The following DPY30 variants were observed in gnomAD, a reference collection of about 807,000 sequenced individuals.
DPY30 encodes dpy-30 histone methyltransferase complex regulatory subunit.
Under a neutral mutation model 16.2 loss-of-function variants are expected in DPY30, and 6 were observed. That is an observed-to-expected ratio of 0.37 (90% CI 0.20 to 0.73). The LOEUF is 0.73. Among genes scored for constraint, DPY30 ranks in the 30% least tolerant of loss-of-function variants. The pLI, the probability that DPY30 is intolerant of heterozygous loss-of-function variation, is 0.51. For missense variants in DPY30, 73 were observed against 113.1 expected (o/e 0.65, Z 1.61); for synonymous variants, 39 against 38.8 (o/e 1.00, Z -0.02).
At chr2:32,012,735 G>A (rs921948026) in intron 5 of DPY30, among the ~76,000 whole-genome samples, 4 of 152,066 alleles carry the variant, frequency 2.6e-5, no homozygotes, top group African/African-American at 9.7e-5. Flanking sequence ...ATCGCACCCA[G>A]GCCAAAGCTA....
chr2:32,016,852 A>G (rs1418059164), intron 5 of DPY30, among the ~76,000 whole-genome samples: 1 of 150,890 alleles, frequency 6.6e-6, no homozygotes, highest in Non-Finnish European at 1.5e-5. Context: ...AGTTATATAT[A>G]ATATATGACA....
At chr2:32,020,334 C>T (rs1675152117), downstream of DPY30, among the ~76,000 whole-genome samples, 1 of 151,992 alleles carries the variant, frequency 6.6e-6, no homozygotes, top group South Asian at 2.1e-4. Flanking sequence ...AGTGAGAACC[C>T]GTCTCTGCAA....
rs755691494 is a variant in DPY30, at chr2:32,029,617, T to A, written c.204A>T (p.Gly68=). The change falls in exon 4 of 5, where the codon GGA becomes GGT. Residue 68 remains glycine (G), a synonymous_variant. Transcript: ENST00000342166. ...DQTVVPILLQ[G]LAVLAKERPP... ...ACCTTTCCTTTGCAAGCACAGCAAGTCCCTGTAATAAGATAGGCACAACTG... is the reference window on the plus strand; with the variant it reads ...ACCTTTCCTTTGCAAGCACAGCAAGACCCTGTAATAAGATAGGCACAACTG... 1 of 1,613,262 alleles carries A rather than the reference T, an allele frequency of 6.2e-7. No individual in the cohort carries two copies. The highest frequency in any genetic ancestry group is 1.3e-5 in the African/African-American group (1 of 75,030).
chr2:32,036,887 T>C (rs533092701), intron 3 of DPY30, among the ~76,000 whole-genome samples: 5 of 151,528 alleles, frequency 3.3e-5, no homozygotes, highest in African/African-American at 7.3e-5. Context: ...GAAAAAAAAC[T>C]ACACCAAGAC....
downstream of DPY30, among the ~76,000 whole-genome samples, chr2:32,019,836 AT>A (rs1231893670): frequency 1.4e-3 from 168 of 121,658 alleles, 1 homozygote; most frequent in South Asian, 3.6e-3. Context: ...AAAAAAAAAA[AT>A]ATATATATAT....
In DPY30 at chr2:32,035,990, C is replaced by CT. The variant is rs1020391771; in HGVS notation, c.84+3288dup. Among the ~76,000 whole-genome samples the CT allele has an allele frequency of 3.9e-4, 57 of 147,312 alleles. No individual in the cohort carries two copies. In the East Asian group the frequency reaches 7.9e-3, roughly 20 times the overall value. On this transcript the variant is annotated intron_variant, in intron 3 of 4. Coordinates refer to ENST00000342166, the MANE Select transcript of DPY30 (RefSeq NM_001321209.2). ...AAGGATAAGTAAACTGATCTTTTTC[C>CT]TTTTTTTTTTCTGAGACAGGGTCTC...
Position 32,026,072 on chromosome 2 carries a change from T to C in DPY30, c.228-1816A>G, listed in dbSNP as rs543461102. Among the ~76,000 whole-genome samples the C allele has an allele frequency of 2.0e-4, 30 of 152,042 alleles. 1 individual carries two copies. The highest frequency in any genetic ancestry group is 6.5e-4 in the African/African-American group (27 of 41,486). On this transcript the variant is annotated intron_variant, in intron 4 of 4. Coordinates refer to ENST00000342166, the MANE Select transcript of DPY30 (RefSeq NM_001321209.2). ...CAGTAAGCCATGATTGCCCCCACTG[T>C]ATTCCAGCTGGGGCAACAGAGCAAG...
intron 3 of DPY30, among the ~76,000 whole-genome samples, chr2:32,032,794 G>A (rs894971758): frequency 1.8e-4 from 27 of 151,696 alleles, no homozygotes; most frequent in South Asian, 1.0e-3. Context: ...TCAGGAGTTC[G>A]AGACCAGCCT....
chr2:32,012,474 A>G lies in DPY30; in HGVS notation n.378-422T>C, dbSNP rs551309197. ...GAGACAGAGTCTTGCTCTGTCACCC[A>G]GGCTGGAGTGCAGTGGCTCGATCTG... is the stretch of plus-strand genomic sequence containing the variant. On this transcript the variant is annotated intron_variant and non_coding_transcript_variant, in intron 5 of 5. Coordinates refer to the DPY30 transcript ENST00000414013. 3.2e-3 allele frequency among the ~76,000 whole-genome samples: 367 copies of G among 113,948 alleles called. 6 individuals are homozygous for G. The South Asian group carries it at 0.046, about 14-fold the overall frequency. The allele number at this position is 113,948 out of a possible 152,430, so 74.8% of individuals were successfully genotyped here.
chr2:32,029,881 C>T, intron 3 of DPY30, 145 bp from the exon 4 acceptor site: 2 of 815,460 alleles, frequency 2.5e-6, no homozygotes, highest in Non-Finnish European at 3.8e-6. Flanking sequence ...ACTTCTCTGC[C>T]CAAAATAAAT....
chr2:32,024,511 A>G (rs1355588223), intron 4 of DPY30, among the ~76,000 whole-genome samples: 2 of 152,232 alleles, frequency 1.3e-5, no homozygotes, highest in Non-Finnish European at 1.5e-5. Flanking sequence ...TAAAAAATGT[A>G]TTGACAATGG....
At chr2:32,037,342 T>C (rs559159361) in intron 3 of DPY30, among the ~76,000 whole-genome samples, 4 of 152,270 alleles carry the variant, frequency 2.6e-5, no homozygotes, top group East Asian at 1.9e-4. Flanking sequence ...TCTCCCTGTC[T>C]CACTCAGGAT....
chr2:32,027,447 T>C (rs1465915526), intron 4 of DPY30, among the ~76,000 whole-genome samples: 2 of 150,574 alleles, frequency 1.3e-5, no homozygotes, highest in Non-Finnish European at 3.0e-5. Flanking sequence ...AGAGAACTGC[T>C]TGAACCCAGG....
chr2:32,034,105 T>C (rs1675649410), intron 3 of DPY30, among the ~76,000 whole-genome samples: 1 of 152,124 alleles, frequency 6.6e-6, no homozygotes, highest in Non-Finnish European at 1.5e-5. Context: ...GAAAGGCGCA[T>C]GGAGACAAGA....
intron 3 of DPY30, among the ~76,000 whole-genome samples, chr2:32,039,068 G>T (rs908913729): frequency 6.6e-6 from 1 of 152,038 alleles, no homozygotes; most frequent in African/African-American, 2.4e-5. Flanking sequence ...CGCAATAAAA[G>T]TTCAATCCTT....
rs1002226558 is a variant in DPY30, at chr2:32,031,440, T to G, written c.85-1704A>C. Among the ~76,000 whole-genome samples the G allele has an allele frequency of 1.5e-4, 22 of 147,860 alleles. 1 individual carries two copies. The highest frequency in any genetic ancestry group is 2.2e-4 in the South Asian group (1 of 4,644). ...CAAAAAAAAAAAGAAAAATAAAAAA[T>G]AAAAAAACTAGACAGGCATGGTGGT... On this transcript the variant is annotated intron_variant, in intron 3 of 4. Coordinates refer to ENST00000342166, the MANE Select transcript of DPY30 (RefSeq NM_001321209.2).
At chr2:32,019,425 C>T (rs1675128288), downstream of DPY30, among the ~76,000 whole-genome samples, 1 of 152,022 alleles carries the variant, frequency 6.6e-6, no homozygotes, top group Non-Finnish European at 1.5e-5. Context: ...AGATGAGAGA[C>T]CGGCTTGAGC....
intron 3 of DPY30, among the ~76,000 whole-genome samples, chr2:32,037,746 C>T (rs1449700701): frequency 2.0e-5 from 3 of 151,772 alleles, no homozygotes; most frequent in Non-Finnish European, 4.4e-5. Context: ...TCAGTAGAGA[C>T]GGAGTTTCAC....
At chr2:32,038,135 C>CTTTTTTTTTTTT (rs35016868) in intron 3 of DPY30, among the ~76,000 whole-genome samples, 1 of 108,058 alleles carries the variant, frequency 9.3e-6, no homozygotes, top group African/African-American at 3.4e-5. Context: ...CATTTTCTTT[C>CTTTTTTTTTTTT]TTTTTTTTTT....
Sources: allele counts gnomAD v4.1 joint callset (sites outside exome capture counted in the v4.1 genomes callset), GRCh38; gene constraint gnomAD v4.1.1; transcripts MANE v1.5; gene names NCBI Gene and HGNC (gene_info 2026-07-23, HGNC 2026-07-21).